Variants in WSB2 observed in about 807,000 individuals in gnomAD.
WSB2 encodes the protein WD repeat and SOCS box-containing protein 2.
A neutral mutation model predicts 48.8 loss-of-function variants in WSB2; 12 were observed. That is an observed-to-expected ratio of 0.25 (90% CI 0.16 to 0.40). The LOEUF (loss-of-function observed/expected upper bound fraction) is 0.40, where lower values mean the gene tolerates loss of function less well. Among genes scored for constraint, WSB2 ranks in the 10% least tolerant of loss-of-function variants. WSB2 has a pLI of 1.00. For synonymous variants in WSB2, 191 were observed against 203.1 expected (o/e 0.94, Z 0.51); for missense variants, 317 against 506.2 (o/e 0.63, Z 3.59).
At chr12:118,061,493 G>A (rs944079348), upstream of WSB2, among the ~76,000 whole-genome samples, 5 of 151,350 alleles carry the variant, frequency 3.3e-5, no homozygotes, top group Admixed American at 1.3e-4. Flanking sequence ...TAAAAACGGG[G>A]AAGGGAGGGA....
chr12:118,036,605 C>T (rs2031517267), intron 5 of WSB2, 95 bp from the exon 6 acceptor site: 1 of 1,349,888 alleles, frequency 7.4e-7, no homozygotes, highest in African/African-American at 1.5e-5. Context: ...ATCTGCAGGC[C>T]CTGCAGCCAG....
upstream of WSB2, among the ~76,000 whole-genome samples, chr12:118,061,870 G>T (rs1394139958): frequency 6.7e-6 from 1 of 150,178 alleles, no homozygotes; most frequent in Non-Finnish European, 1.5e-5. Context: ...GTGGAAGGAA[G>T]GTGTAATAAC....
At chr12:118,049,283 A>ATTC (rs2031804445) in intron 2 of WSB2, among the ~76,000 whole-genome samples, 1 of 152,208 alleles carries the variant, frequency 6.6e-6, no homozygotes. Context: ...ATCATATGGA[A>ATTC]ATGGTAAAAT....
chr12:118,040,698 G>C (rs2031618239), intron 4 of WSB2, among the ~76,000 whole-genome samples: 1 of 151,502 alleles, frequency 6.6e-6, no homozygotes, highest in Non-Finnish European at 1.5e-5. Context: ...AAGCTGTCCT[G>C]ATCAGCAGCA....
intron 4 of WSB2, among the ~76,000 whole-genome samples, chr12:118,040,363 T>G (rs1455954085): frequency 6.6e-6 from 1 of 152,156 alleles, no homozygotes; most frequent in Admixed American, 6.5e-5. Context: ...TCACTCTCAC[T>G]TGGTCTTTCC....
At chr12:118,059,211 A>T (rs1168105007) in intron 1 of WSB2, among the ~76,000 whole-genome samples, 2 of 138,414 alleles carry the variant, frequency 1.4e-5, no homozygotes, top group Non-Finnish European at 3.1e-5. Context: ...GCACAAAAAA[A>T]AATCTAAAAC....
At chr12:118,056,772 G>T (rs1168553738) in intron 1 of WSB2, among the ~76,000 whole-genome samples, 1 of 151,960 alleles carries the variant, frequency 6.6e-6, no homozygotes, top group Non-Finnish European at 1.5e-5. Flanking sequence ...ATAGTGGCGG[G>T]CGCCTGTAGT....
At chr12:118,040,279 G>A (rs1173475665) in intron 4 of WSB2, among the ~76,000 whole-genome samples, 4 of 152,094 alleles carry the variant, frequency 2.6e-5, no homozygotes, top group Non-Finnish European at 4.4e-5. Context: ...CCTGTCAGCT[G>A]GGAACCAACT....
At position 118,043,229 on chromosome 12, in the gene WSB2, A is replaced by C. The variant is rs772414801; in HGVS notation, c.331T>G (p.Trp111Gly). The C allele has an allele frequency of 1.3e-5, 21 of 1,614,222 alleles. No homozygotes were observed. Among genetic ancestry groups the C allele is most frequent in the Non-Finnish European group, 1.8e-5 (21 of 1,180,030 alleles). Residue 111 changes from tryptophan (W) to glycine (G), a missense_variant, in exon 3 of 9, where the codon TGG becomes GGG. By Grantham distance (184) the Trp-to-Gly change is radical. Transcript: ENST00000315436. ...PWPSPPSRKLWARHHPQVPDV... is the reference protein window; with the variant it reads ...PWPSPPSRKLGARHHPQVPDV... Reference sequence around the variant, plus strand: ...GGCACTTGGGGGTGGTGGCGTGCCCAGAGCTTCCTGCTGGGTGGGGAAGGC... The same window carrying C: ...GGCACTTGGGGGTGGTGGCGTGCCCCGAGCTTCCTGCTGGGTGGGGAAGGC...
intron 1 of WSB2, among the ~76,000 whole-genome samples, chr12:118,054,467 T>G (rs2031916056): frequency 1.3e-5 from 2 of 151,696 alleles, no homozygotes; most frequent in Admixed American, 1.3e-4. Flanking sequence ...GGTCGGGAGT[T>G]CGAGACCAGC....
chr12:118,061,114 TGCCGCCCCCGCGCCGCCCGCCCCGGCCAG>T lies in WSB2; in HGVS notation c.-95_-67del, dbSNP rs1329748295. On this transcript the variant is annotated 5_prime_UTR_variant, in exon 1 of 9. It introduces an in-frame stop codon into an upstream open reading frame of the 5' UTR. Coordinates refer to ENST00000315436, the MANE Select transcript of WSB2 (RefSeq NM_018639.5). Reference sequence around the variant, plus strand: ...CAGCCCCCCGGGCCGCGGGCCCTCATGCCGCCCCCGCGCCGCCCGCCCCGGCCAGGCCGCCGCCGCCGCCCGGAGAGGCC... The same window carrying T: ...CAGCCCCCCGGGCCGCGGGCCCTCATGCCGCCGCCGCCGCCCGGAGAGGCC... The T allele has an allele frequency of 1.0e-6, 1 of 977,654 alleles. No homozygotes were observed. Among genetic ancestry groups the T allele is most frequent in the African/African-American group, 1.8e-5 (1 of 55,658 alleles). The allele number at this position is 977,654 out of a possible 1,614,324, so 60.6% of individuals were successfully genotyped here.
Position 118,043,309 on chromosome 12 carries a change from T to C in WSB2, c.251A>G (p.Lys84Arg). The C allele has an allele frequency of 6.2e-7, 1 of 1,612,464 alleles. No homozygotes were observed. The highest frequency in any genetic ancestry group is 8.5e-7 in the Non-Finnish European group (1 of 1,178,996). The change falls in exon 3 of 9, where the codon AAA becomes AGA. Residue 84 changes from lysine (K) to arginine (R), a missense_variant. Lys to Arg is a conservative substitution (Grantham distance 26, BLOSUM62 2). Around this residue, in one of 2 missense-constraint regions of WSB2, gnomAD observed 128 missense variants for 156.7 expected, o/e 0.82. Coordinates refer to ENST00000315436, the MANE Select transcript of WSB2 (RefSeq NM_018639.5). ...KNETKGRGSP[K>R]EKTLDCGQIV... ...CTGACCACAGTCCAGCGTCTTCTCTTTTGGGCTGCCCCGCCCTTTCGTCTC... is the reference window on the plus strand; with the variant it reads ...CTGACCACAGTCCAGCGTCTTCTCTCTTGGGCTGCCCCGCCCTTTCGTCTC...
At chr12:118,058,700 CT>C (rs112415267) in intron 1 of WSB2, among the ~76,000 whole-genome samples, 203 of 139,960 alleles carry the variant, frequency 1.5e-3, no homozygotes, top group Admixed American at 1.7e-3. Context: ...TTTTCTTCTT[CT>C]TTTTTTTTTT....
chr12:118,044,491 G>C (rs1487800795), intron 2 of WSB2, among the ~76,000 whole-genome samples: 1 of 152,106 alleles, frequency 6.6e-6, no homozygotes, highest in Non-Finnish European at 1.5e-5. Context: ...CTTCACTCAC[G>C]ATGTTGCAAC....
upstream of WSB2, chr12:118,062,155 A>G: frequency 6.5e-7 from 1 of 1,535,182 alleles, no homozygotes; most frequent in Admixed American, 2.0e-5. Context: ...CTCCCTGTCT[A>G]CCCGCATAGC....
intron 2 of WSB2, among the ~76,000 whole-genome samples, chr12:118,045,873 G>A (rs866293542): frequency 5.3e-5 from 8 of 151,888 alleles, no homozygotes; most frequent in African/African-American, 1.7e-4. Flanking sequence ...TCCCACCCCC[G>A]GTAACCACCA....
rs565454672 is a variant in WSB2, at chr12:118,060,564, A to G, written c.13+472T>C. ...TCCCATTTTGCAGATCAAAACTGAG[A>G]CGTGGGTGGCGGTGGTTCAGTGGCT... On this transcript the variant is annotated intron_variant, in intron 1 of 8. Coordinates refer to ENST00000315436, the MANE Select transcript of WSB2 (RefSeq NM_018639.5). The surrounding 1 kb of genome is among the most constrained non-coding windows in gnomAD (Gnocchi z 4.1). 4.6e-5 allele frequency among the ~76,000 whole-genome samples: 7 copies of G among 152,248 alleles called. No homozygotes were observed. In the East Asian group the frequency reaches 1.4e-3, roughly 30 times the overall value.
chr12:118,056,636 C>T (rs2031962091), intron 1 of WSB2, among the ~76,000 whole-genome samples: 1 of 152,124 alleles, frequency 6.6e-6, no homozygotes, highest in East Asian at 1.9e-4. Flanking sequence ...CATGGTAGCT[C>T]ATGCTTGTAA....
chr12:118,038,247 C>G (rs747059967), intron 5 of WSB2, 41 bp downstream of exon 5: 2 of 1,583,076 alleles, frequency 1.3e-6, no homozygotes, highest in South Asian at 2.3e-5. Flanking sequence ...CTTCAGACCT[C>G]CATGTCTCAG....
Sources: allele counts gnomAD v4.1 joint callset (sites outside exome capture counted in the v4.1 genomes callset), GRCh38; gene constraint gnomAD v4.1.1; regional missense constraint gnomAD v4.1.1; non-coding constraint Gnocchi (gnomAD v3.1); transcripts MANE v1.5; gene names NCBI Gene and HGNC (gene_info 2026-07-23, HGNC 2026-07-21).